The following RGS3 variants were observed in gnomAD, a reference collection of about 807,000 sequenced individuals.
RGS3 encodes the protein regulator of G protein signaling 3, also known as regulator of G-protein signalling 3.
RGS3 carries 80 observed loss-of-function variants against 132.6 expected under a neutral mutation model. The ratio of observed to expected loss-of-function variants is 0.60; its 90% CI spans 0.50 to 0.73. The LOEUF (loss-of-function observed/expected upper bound fraction) is 0.73. RGS3 is among the 30% of genes least tolerant of loss of function. The pLI is 0.00. For synonymous variants in RGS3, 598 were observed against 620.6 expected (o/e 0.96, Z 0.54); for missense variants, 1,382 against 1,530.8 (o/e 0.90, Z 1.62).
At chr9:113,584,003 C>T (rs773394403) in exon 20 of RGS3, 9 of 1,614,138 alleles carry the variant, frequency 5.6e-6, no homozygotes, top group Non-Finnish European at 7.6e-6. Context: ...CTGGATAGCA[C>T]CTACAGCCAG....
chr9:113,559,191 C>T (rs559632988), intron 19 of RGS3, among the ~76,000 whole-genome samples: 4 of 152,272 alleles, frequency 2.6e-5, no homozygotes, highest in South Asian at 4.1e-4. Flanking sequence ...GAGTCAGTGG[C>T]TCTGTGCTGA....
rs987760284 is a variant in RGS3 at position 113,592,818 on chromosome 9, G to C, written c.3080+1421G>C. 3 of 152,240 alleles carry C rather than the reference G, an allele frequency of 2.0e-5. No individual in the cohort carries two copies. The East Asian group carries it at 5.8e-4, about 29-fold the overall frequency. 9.4% of individuals were successfully genotyped at this position (152,240 alleles called of 1,614,324 possible). A position where few individuals can be genotyped will look rare whatever the true frequency, so the allele number is the denominator to read the frequency against. On this transcript the variant is annotated intron_variant, in intron 21 of 24. Coordinates refer to ENST00000350696, the Ensembl canonical transcript of RGS3. ...AGGTCATACTCTTAAAAGCTTAGAC[G>C]AAGAGTCTTAGAACATCTACGGTAA...
At chr9:113,485,010 T>C (rs1830285033) in intron 6 of RGS3, among the ~76,000 whole-genome samples, 1 of 152,150 alleles carries the variant, frequency 6.6e-6, no homozygotes, top group Admixed American at 6.5e-5. Flanking sequence ...TTTTCAGACC[T>C]TTTAATGTGT....
At chr9:113,550,833 T>TA (rs1262451923) in intron 19 of RGS3, among the ~76,000 whole-genome samples, 1 of 152,220 alleles carries the variant, frequency 6.6e-6, no homozygotes, top group African/African-American at 2.4e-5. Flanking sequence ...TATAGTTTAA[T>TA]TATTAATTCA....
chr9:113,465,509 A>G (rs1157966026), intron 3 of RGS3, among the ~76,000 whole-genome samples: 4 of 149,508 alleles, frequency 2.7e-5, no homozygotes, highest in Non-Finnish European at 5.9e-5. Context: ...GTCAAATTTC[A>G]ACACAATTGA....
At chr9:113,501,637 G>GCT in intron 10 of RGS3, 1 of 1,561,324 alleles carries the variant, frequency 6.4e-7, no homozygotes, top group Non-Finnish European at 8.6e-7. Flanking sequence ...CCAGGTGGGT[G>GCT]CTTGGCCTCT....
chr9:113,529,833 G>A (rs1055555496), intron 18 of RGS3, among the ~76,000 whole-genome samples: 29 of 152,222 alleles, frequency 1.9e-4, no homozygotes, highest in Admixed American at 6.5e-4. Context: ...ATCTCAGTCT[G>A]ATCAGAAGCT....
intron 14 of RGS3, among the ~76,000 whole-genome samples, chr9:113,509,035 C>T (rs576891930): frequency 5.9e-5 from 9 of 152,212 alleles, no homozygotes; most frequent in African/African-American, 9.6e-5. Context: ...CCTGTAATCC[C>T]AGCACTTTGG....
At chr9:113,510,932 G>A (rs1296159172) in intron 14 of RGS3, among the ~76,000 whole-genome samples, 1 of 152,186 alleles carries the variant, frequency 6.6e-6, no homozygotes, top group Non-Finnish European at 1.5e-5. Context: ...AAACACACTT[G>A]GGATTGTCCA....
chr9:113,528,081 C>T (rs1360103020), intron 17 of RGS3, among the ~76,000 whole-genome samples: 1 of 152,188 alleles, frequency 6.6e-6, no homozygotes, highest in Non-Finnish European at 1.5e-5. Context: ...GCCCTGTCTT[C>T]CAGGGGTTGT....
At chr9:113,501,478 C>A (rs1830888036) in intron 10 of RGS3, 4 of 1,510,722 alleles carry the variant, frequency 2.6e-6, no homozygotes, top group Non-Finnish European at 1.8e-6. Flanking sequence ...GCGGGCTTCC[C>A]AGGGTGCTCA....
chr9:113,476,008 G>A (rs959111435), intron 3 of RGS3, among the ~76,000 whole-genome samples: 5 of 151,778 alleles, frequency 3.3e-5, no homozygotes, highest in Admixed American at 3.3e-4. Context: ...TGTGATCATG[G>A]TTCACTGTGG....
chr9:113,578,246 C>T (rs984582227), intron 19 of RGS3, among the ~76,000 whole-genome samples: 3 of 152,156 alleles, frequency 2.0e-5, no homozygotes, highest in Non-Finnish European at 4.4e-5. Context: ...GTTAAGGCCA[C>T]GCTGTGCTGG....
At chr9:113,482,916 A>G in intron 4 of RGS3, 143 bp from the exon 3 acceptor site, 3 of 1,521,756 alleles carry the variant, frequency 2.0e-6, no homozygotes, top group South Asian at 2.5e-5. Context: ...AGCAGGGGCC[A>G]TAGCCCTGCT....
intron 19 of RGS3, 104 bp from the exon 18 acceptor site, chr9:113,583,346 C>T: frequency 1.4e-6 from 2 of 1,474,782 alleles, no homozygotes. Flanking sequence ...GACTGGGGGC[C>T]CGGGGTTCAG....
chr9:113,566,055 G>A (rs1833994263), intron 19 of RGS3, among the ~76,000 whole-genome samples: 1 of 152,178 alleles, frequency 6.6e-6, no homozygotes, highest in South Asian at 2.1e-4. Flanking sequence ...TGGCCAAAAA[G>A]TCGGGACACT....
chr9:113,528,288 G>C (rs576340899), intron 17 of RGS3, among the ~76,000 whole-genome samples: 23 of 152,324 alleles, frequency 1.5e-4, no homozygotes, highest in African/African-American at 5.5e-4. Context: ...ACCGTGCCCA[G>C]ACAAGTGACC....
At chr9:113,495,827 C>G (rs1830664145) in exon 8 of RGS3, 1 of 1,613,992 alleles carries the variant, frequency 6.2e-7, no homozygotes, top group Non-Finnish European at 8.5e-7. Flanking sequence ...GGGGTGAAGT[C>G]TCTCCTGACT....
intron 18 of RGS3, among the ~76,000 whole-genome samples, chr9:113,530,633 C>T (rs867530446): frequency 7.9e-5 from 12 of 152,228 alleles, no homozygotes; most frequent in African/African-American, 2.9e-4. Context: ...AGCTTCCTTC[C>T]AGGTTGGGTT....
Sources: gnomAD v4.1 joint callset for allele counts (sites outside exome capture counted in the v4.1 genomes callset) on GRCh38, gnomAD v4.1.1 for gene constraint, MANE v1.5 for transcripts, NCBI Gene and HGNC (gene_info 2026-07-23, HGNC 2026-07-21) for gene names.